MAP4K4: variants seen among roughly 807,000 people sequenced by gnomAD.
The protein encoded by MAP4K4 is HPK/GCK-like kinase HGK.
A neutral mutation model predicts 189.6 loss-of-function variants in MAP4K4; 38 were observed. That is an observed-to-expected ratio of 0.20 (90% CI 0.15 to 0.26). MAP4K4 has a LOEUF of 0.26. Ranked by LOEUF, MAP4K4 falls within the 10% of genes least tolerant of loss-of-function variation. The pLI, the probability that MAP4K4 is intolerant of heterozygous loss-of-function variation, is 1.00. For synonymous variants in MAP4K4, 610 were observed against 624.3 expected (o/e 0.98, Z 0.34); for missense variants, 1,054 against 1,726.9 (o/e 0.61, Z 6.91).
chr2:101,879,409 A>G (rs1041005069), intron 27 of MAP4K4, among the ~76,000 whole-genome samples: 1 of 151,960 alleles, frequency 6.6e-6, no homozygotes, highest in Non-Finnish European at 1.5e-5. Context: ...CATCTCAGAG[A>G]TAACTCTTGT....
chr2:101,770,240 A>ATTTTTTTTTTTTTTT, intron 2 of MAP4K4, among the ~76,000 whole-genome samples: 1 of 75,158 alleles, frequency 1.3e-5, no homozygotes, highest in Non-Finnish European at 2.4e-5. Flanking sequence ...GTTCATTCTG[A>ATTTTTTTTTTTTTTT]TTTTTTTTTT....
At chr2:101,886,876 T>C (rs1257302872) in intron 29 of MAP4K4, among the ~76,000 whole-genome samples, 1 of 151,954 alleles carries the variant, frequency 6.6e-6, no homozygotes, top group Admixed American at 6.6e-5. Flanking sequence ...ATACAAAAAA[T>C]TAGCTGAGTG....
chr2:101,831,045 G>A (rs981523035), intron 6 of MAP4K4, among the ~76,000 whole-genome samples: 8 of 152,176 alleles, frequency 5.3e-5, no homozygotes, highest in African/African-American at 1.9e-4. Context: ...GGCAGTGTGC[G>A]TAGTGATAGT....
intron 2 of MAP4K4, among the ~76,000 whole-genome samples, chr2:101,721,483 T>C (rs931297847): frequency 1.3e-5 from 2 of 150,298 alleles, no homozygotes; most frequent in African/African-American, 4.9e-5. Flanking sequence ...TTGCCCAGGC[T>C]GGAGTGCGGT....
At chr2:101,728,551 A>G (rs145154369) in intron 2 of MAP4K4, among the ~76,000 whole-genome samples, 144 of 152,184 alleles carry the variant, frequency 9.5e-4, no homozygotes, top group African/African-American at 3.4e-3. Context: ...TCGCTCTGTC[A>G]CCCAGGCTGG....
intron 27 of MAP4K4, among the ~76,000 whole-genome samples, chr2:101,877,820 G>A (rs2098253781): frequency 1.3e-5 from 2 of 151,758 alleles, no homozygotes; most frequent in Middle Eastern, 3.4e-3. Flanking sequence ...CACAATCTCC[G>A]CTCACTGCAA....
intron 2 of MAP4K4, among the ~76,000 whole-genome samples, chr2:101,729,281 A>G (rs971681542): frequency 6.6e-6 from 1 of 151,944 alleles, no homozygotes; most frequent in African/African-American, 2.4e-5. Flanking sequence ...GCTTTTCACA[A>G]AGTGACAGAG....
chr2:101,713,083 T>G, intron 2 of MAP4K4, among the ~76,000 whole-genome samples: 1 of 151,290 alleles, frequency 6.6e-6, no homozygotes, highest in South Asian at 2.1e-4. Context: ...TTTTGTATTT[T>G]TAGTAGAGAC....
At chr2:101,717,995 G>A (rs530442651) in intron 2 of MAP4K4, among the ~76,000 whole-genome samples, 2 of 151,888 alleles carry the variant, frequency 1.3e-5, no homozygotes, top group Non-Finnish European at 2.9e-5. Context: ...GGTGGCTTAT[G>A]CCTGTAATCC....
chr2:101,744,745 C>G (rs770858411), intron 2 of MAP4K4, among the ~76,000 whole-genome samples: 1 of 152,140 alleles, frequency 6.6e-6, no homozygotes, highest in African/African-American at 2.4e-5. Context: ...GCCAACTGTT[C>G]TTTGCTGATC....
intron 3 of MAP4K4, among the ~76,000 whole-genome samples, chr2:101,804,144 C>T (rs116386541): frequency 0.011 from 1,636 of 152,274 alleles, 16 homozygotes; most frequent in Non-Finnish European, 0.02. Context: ...AACATCTGTG[C>T]CACAGGTCAG....
intron 2 of MAP4K4, among the ~76,000 whole-genome samples, chr2:101,788,717 G>A (rs2092236236): frequency 1.3e-5 from 2 of 152,098 alleles, no homozygotes; most frequent in African/African-American, 4.8e-5. Context: ...TTTTTATAAA[G>A]CAGATGCTGA....
chr2:101,750,445 G>A (rs1322072891), intron 2 of MAP4K4, among the ~76,000 whole-genome samples: 4 of 147,358 alleles, frequency 2.7e-5, no homozygotes, highest in African/African-American at 1.0e-4. Context: ...TCACTCATAG[G>A]TGGGAATAGA....
rs533642379 is a variant in MAP4K4 at position 101,859,531 on chromosome 2, A to G, written c.1483-112A>G. 6.9e-4 allele frequency: 590 copies of G among 849,468 alleles called. 13 individuals carry two copies. In the South Asian group the frequency reaches 0.01, roughly 15 times the overall value. 52.6% of individuals were successfully genotyped at this position (849,468 alleles called of 1,614,324 possible). On this transcript the variant is annotated intron_variant, in intron 14 of 32. Transcript: ENST00000324219. ...AATCCCAGCCATTTTGCTTTCTTAC[A>G]AAACACAGAGGGAAAATATATGGTC...
At chr2:101,853,896 G>A (rs375201212) in intron 12 of MAP4K4, among the ~76,000 whole-genome samples, 2 of 152,236 alleles carry the variant, frequency 1.3e-5, no homozygotes, top group East Asian at 3.9e-4. Flanking sequence ...AGATGACATA[G>A]CACTGCCTTC....
intron 2 of MAP4K4, among the ~76,000 whole-genome samples, chr2:101,752,821 A>G (rs1253457897): frequency 1.3e-5 from 2 of 152,134 alleles, no homozygotes; most frequent in East Asian, 3.9e-4. Flanking sequence ...CCACATCATT[A>G]TTGCTACTGG....
intron 9 of MAP4K4, among the ~76,000 whole-genome samples, 175 bp downstream of exon 9, chr2:101,836,153 T>C (rs992551461): frequency 6.6e-6 from 1 of 152,208 alleles, no homozygotes; most frequent in African/African-American, 2.4e-5. Flanking sequence ...GAGATTTTTC[T>C]TGTTAAATTC....
intron 3 of MAP4K4, among the ~76,000 whole-genome samples, chr2:101,813,576 A>C (rs983713871): frequency 6.6e-6 from 1 of 152,168 alleles, no homozygotes; most frequent in Non-Finnish European, 1.5e-5. Flanking sequence ...CAAGAGAGGC[A>C]CTTGCAGTTT....
In MAP4K4 at chr2:101,862,017, C is replaced by G. The variant is rs141308732; in HGVS notation, c.1866+1031C>G. ...TGGGAGGCCGAGGCAGGCAGATCAC[C>G]TGAGGTCAGGAGTTCGAGACCAGCC... On this transcript the variant is annotated intron_variant, in intron 16 of 32. Coordinates refer to ENST00000324219, the Ensembl canonical transcript of MAP4K4. 4.7e-3 allele frequency: 707 copies of G among 151,696 alleles called. 6 individuals are homozygous for G. The highest frequency in any genetic ancestry group is 0.016 in the African/African-American group (679 of 41,316). 9.4% of individuals were successfully genotyped at this position (151,696 alleles called of 1,614,324 possible). A position where few individuals can be genotyped will look rare whatever the true frequency, so the allele number is the denominator to read the frequency against.
Sources: allele counts gnomAD v4.1 joint callset (sites outside exome capture counted in the v4.1 genomes callset), GRCh38; gene constraint gnomAD v4.1.1; transcripts MANE v1.5; gene names NCBI Gene and HGNC (gene_info 2026-07-23, HGNC 2026-07-21).